The following PARN variants were observed in gnomAD, a reference collection of about 807,000 sequenced individuals.
PARN encodes the protein poly(A)-specific ribonuclease PARN.
Under a neutral mutation model 102.8 loss-of-function variants are expected in PARN, and 71 were observed. That is an observed-to-expected ratio of 0.69 (90% CI 0.57 to 0.84). PARN has a LOEUF of 0.84. Ranked by LOEUF, PARN falls within the 40% of genes least tolerant of loss-of-function variation. PARN has a pLI of 0.00. For missense variants in PARN, 782 were observed against 760.9 expected (o/e 1.03, Z -0.33); for synonymous variants, 261 against 252.9 (o/e 1.03, Z -0.30).
At chr16:14,557,201 G>A (rs1967744699) in intron 18 of PARN, among the ~76,000 whole-genome samples, 1 of 152,052 alleles carries the variant, frequency 6.6e-6, no homozygotes, top group African/African-American at 2.4e-5. Flanking sequence ...CAATCTATCT[G>A]CCCAAGAAGC....
intron 21 of PARN, among the ~76,000 whole-genome samples, chr16:14,511,997 C>T (rs1965212241): frequency 1.3e-5 from 2 of 152,342 alleles, no homozygotes; most frequent in South Asian, 4.1e-4. Flanking sequence ...ACATTAAATA[C>T]ATCTATAACC....
chr16:14,537,014 G>A (rs532268372), intron 21 of PARN, among the ~76,000 whole-genome samples: 1 of 152,220 alleles, frequency 6.6e-6, no homozygotes, highest in East Asian at 1.9e-4. Context: ...ACAACCCGAT[G>A]AATGGGAGAA....
chr16:14,568,681 G>A (rs1371603581), intron 18 of PARN, among the ~76,000 whole-genome samples: 7 of 151,744 alleles, frequency 4.6e-5, no homozygotes, highest in South Asian at 2.1e-4. Context: ...AGGCTGAGGC[G>A]GGCGGAGATC....
intron 13 of PARN, among the ~76,000 whole-genome samples, chr16:14,588,899 G>A (rs149585584): frequency 4.6e-5 from 7 of 151,372 alleles, no homozygotes; most frequent in Non-Finnish European, 1.0e-4. Flanking sequence ...AAATGAACAG[G>A]CTGGGCGTGG....
chr16:14,449,141 A>G lies in PARN; in HGVS notation c.1671-2060T>C, dbSNP rs1306681422. 3.0e-4 allele frequency among the ~76,000 whole-genome samples: 45 copies of G among 152,190 alleles called. 1 individual carries two copies. The highest frequency in any genetic ancestry group is 2.9e-3 in the Admixed American group (45 of 15,268). On this transcript the variant is annotated intron_variant, in intron 22 of 23. Coordinates refer to ENST00000437198, the MANE Select transcript of PARN (RefSeq NM_002582.4). ...GAACCTGGTAGCCTCTGAGACATAC[A>G]TAAATGTTTAATGAAAACTCAGCTA...
At chr16:14,503,361 C>T (rs1964721634) in intron 21 of PARN, among the ~76,000 whole-genome samples, 1 of 152,138 alleles carries the variant, frequency 6.6e-6, no homozygotes, top group Non-Finnish European at 1.5e-5. Context: ...AAAGAGCTGA[C>T]TCATATGAGA....
rs1971366293 is a variant in PARN, at chr16:14,609,119, T to C, written c.559A>G (p.Lys187Glu). ...TCACTTTGTAATAAATCCTCTATTT[T>C]CTCTCTGAGGAATAAGAATAGACCA... ...QKKFIDQVVE[K>E]IEDLLQSEEN... The change falls in exon 8 of 24, where the codon AAA (lysine) becomes GAA (glutamate). Residue 187 changes from lysine (K) to glutamate (E), a missense_variant. Transcript: ENST00000437198. 6.7e-7 allele frequency: 1 copy of C among 1,483,534 alleles called. No homozygotes were observed. The highest frequency in any genetic ancestry group is 9.3e-7 in the Non-Finnish European group (1 of 1,074,520). 91.9% of individuals were successfully genotyped at this position (1,483,534 alleles called of 1,614,324 possible).
intron 22 of PARN, among the ~76,000 whole-genome samples, chr16:14,461,825 G>C (rs1276397648): frequency 1.3e-5 from 2 of 152,138 alleles, no homozygotes; most frequent in Non-Finnish European, 2.9e-5. Flanking sequence ...AATGTTGCCT[G>C]GGTTTATCAC....
intron 23 of PARN, among the ~76,000 whole-genome samples, chr16:14,439,847 T>C (rs1481340226): frequency 6.6e-6 from 1 of 152,060 alleles, no homozygotes; most frequent in Non-Finnish European, 1.5e-5. Flanking sequence ...AACCCATCTC[T>C]ACTAAAAAAG....
intron 21 of PARN, among the ~76,000 whole-genome samples, chr16:14,485,278 T>C (rs1963607476): frequency 6.6e-6 from 1 of 152,220 alleles, no homozygotes; most frequent in Admixed American, 6.5e-5. Context: ...AACAGTTATT[T>C]TTCTTACTTT....
intron 13 of PARN, among the ~76,000 whole-genome samples, chr16:14,587,602 G>T (rs933734109): frequency 2.0e-5 from 3 of 152,118 alleles, no homozygotes; most frequent in African/African-American, 7.2e-5. Context: ...TCAAGTAGCA[G>T]GCACTGCAGG....
At chr16:14,439,457 A>G (rs1448239425) in intron 23 of PARN, among the ~76,000 whole-genome samples, 1 of 151,796 alleles carries the variant, frequency 6.6e-6, no homozygotes, top group African/African-American at 2.4e-5. Context: ...GGAGGGAGAT[A>G]CTTAAAAACA....
chr16:14,469,891 A>G (rs1489389334), intron 22 of PARN, among the ~76,000 whole-genome samples: 1 of 152,254 alleles, frequency 6.6e-6, no homozygotes, highest in Non-Finnish European at 1.5e-5. Context: ...TTTAGGTAAC[A>G]GACATGGAAA....
At chr16:14,571,431 G>T (rs181913291) in intron 18 of PARN, among the ~76,000 whole-genome samples, 2 of 151,756 alleles carry the variant, frequency 1.3e-5, no homozygotes, top group African/African-American at 4.8e-5. Context: ...ATGATTCAAA[G>T]GGGAGAAACA....
intron 18 of PARN, among the ~76,000 whole-genome samples, chr16:14,570,715 T>C (rs1277789088): frequency 6.7e-6 from 1 of 149,688 alleles, no homozygotes; most frequent in Non-Finnish European, 1.5e-5. Flanking sequence ...CCGTGGCTCA[T>C]GCCTGTAATC....
At chr16:14,521,918 T>C (rs1048476398) in intron 21 of PARN, among the ~76,000 whole-genome samples, 1 of 152,196 alleles carries the variant, frequency 6.6e-6, no homozygotes, top group Non-Finnish European at 1.5e-5. Context: ...TGTTTAGATA[T>C]ACAAATACCA....
chr16:14,478,974 T>C lies in PARN; in HGVS notation c.1670+3664A>G, dbSNP rs192640369. Among the ~76,000 whole-genome samples, 834 of 152,294 alleles carry C rather than the reference T, an allele frequency of 5.5e-3. 6 individuals carry two copies. The highest frequency in any genetic ancestry group is 0.017 in the Middle Eastern group (5 of 294). ...TCATATTTTAAGTAGAGACAGTGTT[T>C]GGCCAGGCTGGTCTTGAACTCCTGA... On this transcript the variant is annotated intron_variant, in intron 22 of 23. Coordinates refer to ENST00000437198, the MANE Select transcript of PARN (RefSeq NM_002582.4).
chr16:14,542,235 C>T (rs577502427), intron 21 of PARN, among the ~76,000 whole-genome samples: 6 of 151,924 alleles, frequency 3.9e-5, no homozygotes, highest in South Asian at 2.1e-4. Context: ...CAAACTCCTA[C>T]GCTCCAGTAA....
At chr16:14,523,263 T>C (rs1365322373) in intron 21 of PARN, among the ~76,000 whole-genome samples, 1 of 149,332 alleles carries the variant, frequency 6.7e-6, no homozygotes, top group Non-Finnish European at 1.5e-5. Context: ...ACACAAACTA[T>C]ACATATACAT....
Sources: allele counts gnomAD v4.1 joint callset (sites outside exome capture counted in the v4.1 genomes callset), GRCh38; gene constraint gnomAD v4.1.1; transcripts MANE v1.5; gene names NCBI Gene and HGNC (gene_info 2026-07-23, HGNC 2026-07-21).